The following ZNF888 variants were observed in gnomAD, a reference collection of about 807,000 sequenced individuals.
The protein encoded by ZNF888 is CTD-2331H12.6.
In ZNF888, 5 loss-of-function variants were observed where a neutral mutation model predicts 7.2. The ratio of observed to expected loss-of-function variants is 0.70; its 90% CI spans 0.36 to 1.46. The LOEUF (loss-of-function observed/expected upper bound fraction) is 1.46, where lower values mean the gene tolerates loss of function less well. Among genes scored for constraint, ZNF888 ranks in the 40% most tolerant of loss-of-function variants. The probability of loss-of-function intolerance (pLI) is 0.03; values close to 1 mark genes in which losing one functional copy is unlikely to be tolerated. For synonymous variants in ZNF888, 240 were observed against 284.3 expected, an observed-to-expected ratio of 0.84 and a Z score of 1.57; for missense variants, 716 against 858.0, an observed-to-expected ratio of 0.83 and a Z score of 2.07.
rs2064600487 is a variant in ZNF888 at position 52,905,789 on chromosome 19, A to G, written c.*376T>C. 2 of 627,904 alleles carry G rather than the reference A, an allele frequency of 3.2e-6. No homozygotes were observed. The highest frequency in any genetic ancestry group is 6.2e-6 in the Non-Finnish European group (2 of 325,178). 38.9% of individuals were successfully genotyped at this position (627,904 alleles called of 1,614,324 possible). The stretch of plus-strand genomic sequence containing the variant: ...AAAATAAATTTTCTGATATTCTGCA[A>G]GGAGTGATCTCAGACTGAAGACCTT... On this transcript the variant is annotated 3_prime_UTR_variant, in exon 5 of 5. Transcript: ENST00000638862.
intron 4 of ZNF888, among the ~76,000 whole-genome samples, chr19:52,911,563 C>T (rs1159081635): frequency 6.6e-6 from 1 of 152,040 alleles, no homozygotes; most frequent in Non-Finnish European, 1.5e-5. Flanking sequence ...TGGTCTCGAT[C>T]TCCTGACCTC....
chr19:52,911,634 A>G (rs1051918988), intron 4 of ZNF888, among the ~76,000 whole-genome samples: 5 of 151,152 alleles, frequency 3.3e-5, no homozygotes, highest in East Asian at 4.0e-4. Context: ...CACCGTGCCC[A>G]GCATCAGTCT....
At chr19:52,919,949 G>A (rs2064803510) in intron 1 of ZNF888, among the ~76,000 whole-genome samples, 1 of 53,294 alleles carries the variant, frequency 1.9e-5, no homozygotes, top group Non-Finnish European at 4.2e-5. Context: ...GAAGTGAGGA[G>A]CCCCTCTGCC....
chr19:52,916,245 T>A (rs1323486704), intron 3 of ZNF888, among the ~76,000 whole-genome samples: 4 of 152,260 alleles, frequency 2.6e-5, no homozygotes, highest in Admixed American at 1.3e-4. Context: ...AGGGTAGAGG[T>A]TGCAGTGAGC....
At chr19:52,908,782 G>A (rs1487517767) in intron 4 of ZNF888, among the ~76,000 whole-genome samples, 128 of 148,804 alleles carry the variant, frequency 8.6e-4, no homozygotes, top group Non-Finnish European at 4.3e-4. Context: ...AGAGGCAAAG[G>A]TTGCAGTGAG....
At chr19:52,911,643 C>G (rs1408447509) in intron 4 of ZNF888, among the ~76,000 whole-genome samples, 2 of 151,392 alleles carry the variant, frequency 1.3e-5, no homozygotes, top group African/African-American at 2.4e-5. Context: ...CAGCATCAGT[C>G]TAAGCTATTT....
rs1323084323 is a variant in ZNF888 at position 52,908,760 on chromosome 19, C to T, written c.143-581G>A. Among the ~76,000 whole-genome samples, 186 of 149,204 alleles carry T rather than the reference C, an allele frequency of 1.2e-3. 1 individual carries two copies. Among genetic ancestry groups the T allele is most frequent in the South Asian group, 1.1e-3 (5 of 4,696 alleles). On this transcript the variant is annotated intron_variant, in intron 4 of 4. Coordinates refer to ENST00000638862, the MANE Select transcript of ZNF888 (RefSeq NM_001393938.1). ...ACTCGGGAGGCTGAGGCACAAGAATCACTTTAAGCCAAGAGGCAAAGGTTG... is the reference window on the plus strand; with the variant it reads ...ACTCGGGAGGCTGAGGCACAAGAATTACTTTAAGCCAAGAGGCAAAGGTTG...
At chr19:52,919,527 G>A (rs2064796459) in intron 1 of ZNF888, among the ~76,000 whole-genome samples, 1 of 70,964 alleles carries the variant, frequency 1.4e-5, no homozygotes, top group Non-Finnish European at 3.4e-5. Flanking sequence ...CCTCCCAGCC[G>A]CCTGCCTTGG....
intron 4 of ZNF888, 147 bp downstream of exon 4, chr19:52,915,049 A>C: frequency 7.4e-7 from 1 of 1,346,634 alleles, no homozygotes; most frequent in Non-Finnish European, 1.0e-6. Context: ...GGGGACAGTG[A>C]AAGTCCAGAT....
intron 1 of ZNF888, among the ~76,000 whole-genome samples, chr19:52,922,897 C>G (rs150446742): frequency 7.5e-6 from 1 of 132,738 alleles, no homozygotes; most frequent in Admixed American, 7.4e-5. Flanking sequence ...CAACAGGGCC[C>G]GGCATGAGGA....
At position 52,907,857 on chromosome 19, in the gene ZNF888, G is replaced by A. The variant is rs188916144; in HGVS notation, c.465C>T (p.Pro155=). The A allele has an allele frequency of 1.4e-5, 22 of 1,614,060 alleles. No homozygotes were observed. Among genetic ancestry groups the A allele is most frequent in the Middle Eastern group, 1.6e-4 (1 of 6,062 alleles). The part of the protein sequence containing the change: ...SHLPELHIFQ[P]EGKIGNQLEK... ...CAAGTTGATTACCAATTTTCCCTTC[G>A]GGCTGAAATATGTGCAGTTCAGGCA... The change falls in exon 5 of 5, where the codon CCC becomes CCT. Residue 155 remains proline, a synonymous_variant. Coordinates refer to ENST00000638862, the MANE Select transcript of ZNF888 (RefSeq NM_001393938.1).
chr19:52,922,304 G>A (rs893764350), intron 1 of ZNF888, among the ~76,000 whole-genome samples: 1 of 151,036 alleles, frequency 6.6e-6, no homozygotes, highest in Non-Finnish European at 1.5e-5. Flanking sequence ...TCTCTTCCCC[G>A]TTATACCCCC....
At position 52,907,443 on chromosome 19, in the gene ZNF888, A is replaced by G; in HGVS notation, c.879T>C (p.Thr293=). The G allele has an allele frequency of 6.2e-7, 1 of 1,610,302 alleles. No homozygotes were observed. The highest frequency in any genetic ancestry group is 8.5e-7 in the Non-Finnish European group (1 of 1,178,202). Reference sequence around the variant, plus strand: ...CATTACACTTGTAAGGTTTTTCTCCAGTATGACGTCTATAATGACGTGCAA... The same window carrying G: ...CATTACACTTGTAAGGTTTTTCTCCGGTATGACGTCTATAATGACGTGCAA... ...AYLARHYRRH[T]GEKPYKCNEC... Residue 293 remains threonine, a synonymous_variant, in exon 5 of 5, where the codon ACT becomes ACC. Coordinates refer to ENST00000638862, the MANE Select transcript of ZNF888 (RefSeq NM_001393938.1).
chr19:52,917,926 CAG>C lies in ZNF888; in HGVS notation c.-55_-54del. The stretch of plus-strand genomic sequence containing the variant: ...CTTCTGAGTTTCTTCTTCACATACC[CAG>C]AGTCTTTAGAAGTCAATCATGAATG... On this transcript the variant is annotated 5_prime_UTR_variant, in exon 3 of 5. Coordinates refer to ENST00000638862, the MANE Select transcript of ZNF888 (RefSeq NM_001393938.1). 6.2e-7 allele frequency: 1 copy of C among 1,609,238 alleles called. No homozygotes were observed. The highest frequency in any genetic ancestry group is 8.5e-7 in the Non-Finnish European group (1 of 1,179,942).
In ZNF888 at chr19:52,904,693, G is replaced by C. The variant is rs1342345392; in HGVS notation, c.*1472C>G. ...AACATCAGTTTCTAAGTTATGAGTT[G>C]ATTTTTAACTACTGGGTTTAGGCCA... On this transcript the variant is annotated 3_prime_UTR_variant, in exon 5 of 5. Coordinates refer to ENST00000638862, the MANE Select transcript of ZNF888 (RefSeq NM_001393938.1). 6.6e-6 allele frequency: 1 copy of C among 152,198 alleles called. No individual in the cohort carries two copies. Among genetic ancestry groups the C allele is most frequent in the East Asian group, 1.9e-4 (1 of 5,190 alleles). 9.4% of individuals were successfully genotyped at this position (152,198 alleles called of 1,614,324 possible).
At position 52,918,010 on chromosome 19, in the gene ZNF888, G is replaced by A. The variant is rs113678175; in HGVS notation, c.-58-79C>T. ...ACATACCCCCTCCCTGTAAAACAAC[G>A]ACACATACAAAGGAGACCTCACCCT... On this transcript the variant is annotated intron_variant, in intron 2 of 4. Transcript: ENST00000638862. The A allele has an allele frequency of 2.3e-3, 3,564 of 1,538,648 alleles. 10 individuals carry two copies. Among genetic ancestry groups the A allele is most frequent in the Non-Finnish European group, 2.7e-3 (3,149 of 1,148,472 alleles).
intron 4 of ZNF888, among the ~76,000 whole-genome samples, chr19:52,910,062 T>C (rs759290307): frequency 1.4e-5 from 2 of 140,812 alleles, no homozygotes; most frequent in African/African-American, 2.6e-5. Context: ...GGCAGGAGAA[T>C]CACTCGACCC....
rs752754431 is a variant in ZNF888 at position 52,907,674 on chromosome 19, A to G, written c.648T>C (p.Phe216=). The G allele has an allele frequency of 1.9e-6, 3 of 1,606,482 alleles. No homozygotes were observed. The highest frequency in any genetic ancestry group is 1.7e-6 in the Non-Finnish European group (2 of 1,177,144). ...DVHRKEKSFQ[F]NESGKSFNCS... The stretch of plus-strand genomic sequence containing the variant: ...AATTAAAGGATTTGCCACTCTCATT[A>G]AATTGGAAAGATTTTTCTTTCCTGT... The change falls in exon 5 of 5, where the codon TTT becomes TTC. Residue 216 remains phenylalanine, a synonymous_variant. Transcript: ENST00000638862.
intron 4 of ZNF888, among the ~76,000 whole-genome samples, chr19:52,912,321 G>C (rs1432443593): frequency 6.7e-6 from 1 of 149,104 alleles, no homozygotes; most frequent in Non-Finnish European, 1.5e-5. Flanking sequence ...CACCATGTTA[G>C]CCAGGATGGC....
Sources: allele counts gnomAD v4.1 joint callset (sites outside exome capture counted in the v4.1 genomes callset), GRCh38; gene constraint gnomAD v4.1.1; transcripts MANE v1.5; gene names NCBI Gene and HGNC (gene_info 2026-07-23, HGNC 2026-07-21).